Variants in CLRN1 observed in about 807,000 individuals in gnomAD.
CLRN1 encodes the protein clarin 1, also known as clarin-1.
A neutral mutation model predicts 18.7 loss-of-function variants in CLRN1; 15 were observed. That is an observed-to-expected ratio of 0.80 (90% confidence interval 0.54 to 1.23). CLRN1 has a LOEUF of 1.23. Ranked by LOEUF, CLRN1 falls within the 50% of genes most tolerant of loss-of-function variation. The pLI is 0.00. For missense variants in CLRN1, 311 were observed against 277.5 expected, an observed-to-expected ratio of 1.12 and a Z score of -0.86; for synonymous variants, 104 against 102.9, an observed-to-expected ratio of 1.01 and a Z score of -0.07.
intron 2 of CLRN1, among the ~76,000 whole-genome samples, chr3:150,938,616 G>A (rs1404649088): frequency 6.6e-6 from 1 of 151,888 alleles, no homozygotes; most frequent in Non-Finnish European, 1.5e-5. Context: ...TGAACATTTT[G>A]ATATTTCAAA....
intron 2 of CLRN1, chr3:150,940,598 C>G (rs1017940473): frequency 3.7e-6 from 5 of 1,350,362 alleles, no homozygotes; most frequent in Non-Finnish European, 5.0e-6. Flanking sequence ...CGTTCTGTAT[C>G]CCTCCATGAA....
At chr3:150,946,901 C>T (rs1324285583) in intron 1 of CLRN1, among the ~76,000 whole-genome samples, 1 of 117,588 alleles carries the variant, frequency 8.5e-6, no homozygotes, top group African/African-American at 3.2e-5. Context: ...TCCCCCCTCC[C>T]CCCACCCCAC....
intron 1 of CLRN1, among the ~76,000 whole-genome samples, chr3:150,963,622 A>G (rs1715131354): frequency 6.6e-6 from 1 of 152,232 alleles, no homozygotes; most frequent in Non-Finnish European, 1.5e-5. Flanking sequence ...TCCTAAGCAA[A>G]AAGAACAAAA....
At chr3:150,956,675 T>C (rs1447403556) in intron 1 of CLRN1, among the ~76,000 whole-genome samples, 2 of 152,194 alleles carry the variant, frequency 1.3e-5, no homozygotes, top group Non-Finnish European at 2.9e-5. Flanking sequence ...GCTGCCCTCC[T>C]GCAGTCATTT....
intron 1 of CLRN1, among the ~76,000 whole-genome samples, chr3:150,967,044 T>G (rs1252859829): frequency 6.6e-6 from 1 of 152,136 alleles, no homozygotes; most frequent in Admixed American, 6.5e-5. Flanking sequence ...GCGTAATCTC[T>G]TGTGAGTGGC....
At chr3:150,937,589 G>T (rs1278117085) in intron 2 of CLRN1, among the ~76,000 whole-genome samples, 2 of 145,092 alleles carry the variant, frequency 1.4e-5, no homozygotes, top group Non-Finnish European at 3.1e-5. Flanking sequence ...AACTATGGGG[G>T]ATGATGAAGG....
At chr3:150,957,501 A>G (rs1714802946) in intron 1 of CLRN1, among the ~76,000 whole-genome samples, 2 of 151,958 alleles carry the variant, frequency 1.3e-5, no homozygotes, top group Non-Finnish European at 2.9e-5. Context: ...CTCATTTGAC[A>G]TCTCTGTGGC....
chr3:150,930,320 G>T (rs1421630420), intron 2 of CLRN1, among the ~76,000 whole-genome samples: 1 of 152,142 alleles, frequency 6.6e-6, no homozygotes, highest in Non-Finnish European at 1.5e-5. Flanking sequence ...TTTCCCAAAG[G>T]TCAGGCTGGG....
chr3:150,934,164 G>T (rs911510364), intron 2 of CLRN1, among the ~76,000 whole-genome samples: 1 of 152,100 alleles, frequency 6.6e-6, no homozygotes, highest in Non-Finnish European at 1.5e-5. Flanking sequence ...AGAGTCCAGG[G>T]TATTATTCAT....
chr3:150,933,405 G>T (rs967841176), intron 2 of CLRN1, among the ~76,000 whole-genome samples: 1 of 152,140 alleles, frequency 6.6e-6, no homozygotes. Flanking sequence ...GCCAGGGGAG[G>T]CCTCATAGGG....
chr3:150,928,443 A>G lies in CLRN1; in HGVS notation c.434-242T>C, dbSNP rs75188440. 0.048 allele frequency among the ~76,000 whole-genome samples: 7,185 copies of G among 151,120 alleles called. 219 individuals are homozygous for G. Among genetic ancestry groups the G allele is most frequent in the East Asian group, 0.12 (644 of 5,180 alleles). ...TGTGTGCGTGTAGGAGTGCAGTGGGAGGTAAGGAGGTGGTTAGAATTAAGC... is the reference window on the plus strand; with the variant it reads ...TGTGTGCGTGTAGGAGTGCAGTGGGGGGTAAGGAGGTGGTTAGAATTAAGC... On this transcript the variant is annotated intron_variant, in intron 2 of 2. Transcript: ENST00000327047.
chr3:150,949,046 G>A (rs532285093), intron 1 of CLRN1, among the ~76,000 whole-genome samples: 56 of 152,192 alleles, frequency 3.7e-4, no homozygotes, highest in Admixed American at 7.2e-4. Flanking sequence ...ATGCAAGGTT[G>A]GTCCAACATA....
intron 1 of CLRN1, among the ~76,000 whole-genome samples, chr3:150,948,267 G>A (rs897185212): frequency 6.6e-6 from 1 of 151,824 alleles, no homozygotes; most frequent in Admixed American, 6.6e-5. Context: ...GGCGGATCAC[G>A]AGGTCAGGAG....
At position 150,941,630 on chromosome 3, in the gene CLRN1, C is replaced by G; in HGVS notation, c.385G>C (p.Glu129Gln). 3 of 1,614,038 alleles carry G rather than the reference C, an allele frequency of 1.9e-6. No homozygotes were observed. Among genetic ancestry groups the G allele is most frequent in the Non-Finnish European group, 2.5e-6 (3 of 1,179,942 alleles). Reference sequence around the variant, plus strand: ...AGCCCTAGGGGACCATGCAGAGTTTCAAAAGGTTTTCCAAAAGCATTGTAC... The same window carrying G: ...AGCCCTAGGGGACCATGCAGAGTTTGAAAAGGTTTTCCAAAAGCATTGTAC... ...FMYNAFGKPF[E>Q]TLHGPLGLYL... Residue 129 changes from glutamate (E) to glutamine (Q), a missense_variant, in exon 2 of 3, where the codon GAA (glutamate) becomes CAA (glutamine). Transcript: ENST00000327047.
At chr3:150,968,202 A>G (rs1013209034) in intron 1 of CLRN1, among the ~76,000 whole-genome samples, 6 of 152,152 alleles carry the variant, frequency 3.9e-5, no homozygotes, top group Admixed American at 2.6e-4. Flanking sequence ...TCATATTTTG[A>G]TGATATTCTG....
intron 1 of CLRN1, chr3:150,943,966 T>C: frequency 6.6e-7 from 1 of 1,523,842 alleles, no homozygotes; most frequent in Non-Finnish European, 9.0e-7. Context: ...CTGTTGGGAG[T>C]CCCATGAAGG....
chr3:150,929,572 G>C (rs146924401), intron 2 of CLRN1, among the ~76,000 whole-genome samples: 15 of 152,154 alleles, frequency 9.9e-5, no homozygotes, highest in African/African-American at 3.6e-4. Flanking sequence ...ATCTATAAAA[G>C]GTGGCTAATA....
In CLRN1 at chr3:150,945,664, A is replaced by T. The variant is rs1220774495; in HGVS notation, c.254-3903T>A. ...CATTTGACTGCTGATGTTTAGTTGTACTACATTTCCTTTATCTTCTCACAA... is the reference window on the plus strand; with the variant it reads ...CATTTGACTGCTGATGTTTAGTTGTTCTACATTTCCTTTATCTTCTCACAA... On this transcript the variant is annotated intron_variant, in intron 1 of 2. Coordinates refer to ENST00000327047, the MANE Select transcript of CLRN1 (RefSeq NM_174878.3). The T allele has an allele frequency of 2.4e-6, 3 of 1,274,912 alleles. No homozygotes were observed. The Admixed American group carries it at 7.1e-5, about 30-fold the overall frequency. The allele number at this position is 1,274,912 out of a possible 1,614,324, so 79.0% of individuals were successfully genotyped here.
chr3:150,949,755 CAT>C (rs1185753784), intron 1 of CLRN1, among the ~76,000 whole-genome samples: 6 of 151,150 alleles, frequency 4.0e-5, no homozygotes, highest in African/African-American at 4.8e-5. Flanking sequence ...AATATCATTA[CAT>C]GTTATTCCTA....
Sources: allele counts gnomAD v4.1 joint callset (sites outside exome capture counted in the v4.1 genomes callset), GRCh38; gene constraint gnomAD v4.1.1; transcripts MANE v1.5; gene names NCBI Gene and HGNC (gene_info 2026-07-23, HGNC 2026-07-21).